The following C22orf42 variants were observed in gnomAD, a reference collection of about 807,000 sequenced individuals.
C22orf42 encodes uncharacterized protein C22orf42.
C22orf42 carries 24 observed loss-of-function variants against 31.4 expected under a neutral mutation model. The ratio of observed to expected loss-of-function variants is 0.77; its 90% CI spans 0.55 to 1.08. The LOEUF (loss-of-function observed/expected upper bound fraction) is 1.08, where lower values mean the gene tolerates loss of function less well. C22orf42 is among the 50% of genes least tolerant of loss of function. C22orf42 has a pLI of 0.00. For missense variants in C22orf42, 276 were observed against 327.3 expected, an observed-to-expected ratio of 0.84 and a Z score of 1.21; for synonymous variants, 96 against 112.7, an observed-to-expected ratio of 0.85 and a Z score of 0.94.
intron 1 of C22orf42, among the ~76,000 whole-genome samples, chr22:32,157,873 G>C (rs1459205118): frequency 6.6e-6 from 1 of 152,292 alleles, no homozygotes; most frequent in Non-Finnish European, 1.5e-5. Flanking sequence ...CCCTGCTGCT[G>C]CCCACCTTGT....
chr22:32,152,606 C>T lies in C22orf42; in HGVS notation c.328G>A (p.Ala110Thr), dbSNP rs757917168. Reference protein sequence around the residue: ...ENIGPTEDVQASAHGGVEENM... With the variant: ...ENIGPTEDVQTSAHGGVEENM... ...TCCTCCACACCGCCGTGTGCAGACG[C>T]CTGCACATCTTCAGTGGGACCTAGG... The change falls in exon 3 of 9, where the codon GCG becomes ACG. Residue 110 changes from alanine to threonine, a missense_variant. By Grantham distance (58) the Ala-to-Thr change is moderately conservative. Transcript: ENST00000382097. 36 of 1,613,598 alleles carry T rather than the reference C, an allele frequency of 2.2e-5. No homozygotes were observed. Among genetic ancestry groups the T allele is most frequent in the Middle Eastern group, 1.6e-4 (1 of 6,074 alleles).
intron 2 of C22orf42, among the ~76,000 whole-genome samples, chr22:32,152,967 A>T (rs1921054320): frequency 6.6e-6 from 1 of 152,182 alleles, no homozygotes; most frequent in African/African-American, 2.4e-5. Flanking sequence ...GAAATGTTAC[A>T]AGATCATTTA....
rs763006218 is a variant in C22orf42 at position 32,152,100 on chromosome 22, A to G, written c.373-6T>C. 1.1e-5 allele frequency: 17 copies of G among 1,605,872 alleles called. No homozygotes were observed. Among genetic ancestry groups the G allele is most frequent in the Middle Eastern group, 1.7e-4 (1 of 6,052 alleles). On this transcript the variant is annotated splice_region_variant and splice_polypyrimidine_tract_variant and intron_variant, in intron 3 of 8. Transcript: ENST00000382097. ...TGCTTGGCCTCAGGTATTTCCTGCA[A>G]TAAGAGAAAAGAAAAAGAAACACCA...
upstream of C22orf42, chr22:32,159,465 C>A: frequency 7.3e-7 from 1 of 1,372,418 alleles, no homozygotes; most frequent in Non-Finnish European, 9.4e-7. Context: ...ACCTTGTGGC[C>A]ACCCTGTCCC....
chr22:32,149,636 C>A (rs1390815488), intron 8 of C22orf42, 23 bp from the exon 9 acceptor site: 8 of 1,378,206 alleles, frequency 5.8e-6, no homozygotes, highest in Non-Finnish European at 5.6e-6. Context: ...AACAAGACTT[C>A]ATCTCAAAAA....
At chr22:32,149,810 G>C in intron 7 of C22orf42, 30 bp from the exon 8 acceptor site, 1 of 1,482,768 alleles carries the variant, frequency 6.7e-7, no homozygotes, top group Non-Finnish European at 8.9e-7. Flanking sequence ...AACGCCATGA[G>C]GATCGGATCA....
intron 2 of C22orf42, among the ~76,000 whole-genome samples, chr22:32,154,015 T>TGTCA (rs1555974003): frequency 1.4e-5 from 2 of 146,938 alleles, no homozygotes; most frequent in East Asian, 2.0e-4. Context: ...TGAGACCTTT[T>TGTCA]CACACACACA....
At position 32,152,111 on chromosome 22, in the gene C22orf42, G is replaced by A. The variant is rs750171281; in HGVS notation, c.373-17C>T. Reference sequence around the variant, plus strand: ...AGGTATTTCCTGCAATAAGAGAAAAGAAAAAGAAACACCATGAGGATCAGA... The same window carrying A: ...AGGTATTTCCTGCAATAAGAGAAAAAAAAAAGAAACACCATGAGGATCAGA... On this transcript the variant is annotated splice_polypyrimidine_tract_variant and intron_variant, in intron 3 of 8. Transcript: ENST00000382097. 4 of 1,603,996 alleles carry A rather than the reference G, an allele frequency of 2.5e-6. No individual in the cohort carries two copies. Among genetic ancestry groups the A allele is most frequent in the Non-Finnish European group, 3.4e-6 (4 of 1,177,502 alleles).
At position 32,151,517 on chromosome 22, in the gene C22orf42, G is replaced by A. The variant is rs55920759; in HGVS notation, c.435C>T (p.Gly145=). The A allele has an allele frequency of 0.021, 33,144 of 1,612,898 alleles. 617 individuals carry two copies. The highest frequency in any genetic ancestry group is 0.069 in the South Asian group (6,285 of 90,972). ...PTEDVQVSAH[G]GVEENITSDI... is the part of the protein sequence containing the mutation. Reference sequence around the variant, plus strand: ...CTGACGTTATATTCTCCTCCACACCGCCGTGTGCAGACACCTGCACATCTT... The same window carrying A: ...CTGACGTTATATTCTCCTCCACACCACCGTGTGCAGACACCTGCACATCTT... Residue 145 remains glycine (G), a synonymous_variant, in exon 5 of 9, where the codon GGC becomes GGT. Transcript: ENST00000382097.
chr22:32,149,632 A>C lies in C22orf42; in HGVS notation c.683-19T>G. The stretch of plus-strand genomic sequence containing the variant: ...ACCCAGCCTAGGGGAAAAGAACAAG[A>C]CTTCATCTCAAAAAAAAAATATATA... On this transcript the variant is annotated intron_variant, in intron 8 of 8. Coordinates refer to ENST00000382097, the MANE Select transcript of C22orf42 (RefSeq NM_001010859.3). 7.1e-7 allele frequency: 1 copy of C among 1,417,562 alleles called. No individual in the cohort carries two copies. Among genetic ancestry groups the C allele is most frequent in the Admixed American group, 2.4e-5 (1 of 41,048 alleles). 87.8% of individuals were successfully genotyped at this position (1,417,562 alleles called of 1,614,324 possible).
chr22:32,150,255 T>G, intron 7 of C22orf42, 64 bp downstream of exon 7: 1 of 1,494,766 alleles, frequency 6.7e-7, no homozygotes, highest in South Asian at 1.2e-5. Flanking sequence ...TATCTTCATT[T>G]CATTAATAAG....
chr22:32,154,754 A>T (rs1375866472), intron 1 of C22orf42, among the ~76,000 whole-genome samples: 1 of 152,224 alleles, frequency 6.6e-6, no homozygotes. Flanking sequence ...GCTAAAAAGG[A>T]TGAGATACAG....
At chr22:32,151,169 C>T (rs2094112580) in intron 5 of C22orf42, 150 bp from the exon 6 acceptor site, 3 of 876,502 alleles carry the variant, frequency 3.4e-6, no homozygotes, top group South Asian at 1.6e-5. Flanking sequence ...ATAGAGGATG[C>T]TTGTGGAAAA....
In C22orf42 at chr22:32,149,650, A is replaced by AAATAT. The variant is rs1555972982; in HGVS notation, c.683-38_683-37insATATT. The AAATAT allele has an allele frequency of 3.4e-6, 4 of 1,191,514 alleles. No homozygotes were observed. The African/African-American group carries it at 4.8e-5, about 14-fold the overall frequency. The allele number at this position is 1,191,514 out of a possible 1,614,324, so 73.8% of individuals were successfully genotyped here. ...GAACAAGACTTCATCTCAAAAAAAA[A>AAATAT]ATATATATATATATATATCTACATA... On this transcript the variant is annotated intron_variant, in intron 8 of 8. Transcript: ENST00000382097.
Position 32,151,688 on chromosome 22 carries a change from A to C in C22orf42, c.401-137T>G, listed in dbSNP as rs953865021. ...GCATGGACTGAGCTGCTGCTGGACC[A>C]TTCTCCTTGGTGCTGAAGGAAGGCA... On this transcript the variant is annotated intron_variant, in intron 4 of 8. Transcript: ENST00000382097. 22 of 809,796 alleles carry C rather than the reference A, an allele frequency of 2.7e-5. No individual in the cohort carries two copies. In the African/African-American group the frequency reaches 3.6e-4, roughly 13 times the overall value. 50.2% of individuals were successfully genotyped at this position (809,796 alleles called of 1,614,324 possible).
rs1250878509 is a variant in C22orf42 at position 32,152,114 on chromosome 22, A to G, written c.373-20T>C. ...TATTTCCTGCAATAAGAGAAAAGAA[A>G]AAGAAACACCATGAGGATCAGATCA... is the stretch of plus-strand genomic sequence containing the variant. On this transcript the variant is annotated intron_variant, in intron 3 of 8. Coordinates refer to ENST00000382097, the MANE Select transcript of C22orf42 (RefSeq NM_001010859.3). The G allele has an allele frequency of 1.2e-6, 2 of 1,604,600 alleles. No individual in the cohort carries two copies. The highest frequency in any genetic ancestry group is 1.7e-6 in the Non-Finnish European group (2 of 1,177,724).
chr22:32,152,625 A>G lies in C22orf42; in HGVS notation c.309T>C (p.Gly103=), dbSNP rs759552376. The G allele has an allele frequency of 1.9e-6, 3 of 1,613,672 alleles. No individual in the cohort carries two copies. Among genetic ancestry groups the G allele is most frequent in the Non-Finnish European group, 1.7e-6 (2 of 1,179,618 alleles). The change falls in exon 3 of 9, where the codon GGT becomes GGC. Residue 103 remains glycine (G), a splice_region_variant and synonymous_variant. Transcript: ENST00000382097. ...RHGIWPLENI[G]PTEDVQASAH... The stretch of plus-strand genomic sequence containing the variant: ...CAGACGCCTGCACATCTTCAGTGGG[A>G]CCTAGGAGAACACAGAGTGACAGTC...
upstream of C22orf42, chr22:32,159,336 C>A (rs1292807906): frequency 6.8e-7 from 1 of 1,463,146 alleles, no homozygotes; most frequent in Non-Finnish European, 9.0e-7. Flanking sequence ...TGCCTAGTAA[C>A]CACAAAACCT....
intron 1 of C22orf42, among the ~76,000 whole-genome samples, chr22:32,157,227 C>T (rs1414869197): frequency 2.0e-5 from 3 of 151,986 alleles, no homozygotes; most frequent in Non-Finnish European, 2.9e-5. Flanking sequence ...CTCACCTGCA[C>T]TTCGCCACCA....
Sources: gnomAD v4.1 joint callset for allele counts (sites outside exome capture counted in the v4.1 genomes callset) on GRCh38, gnomAD v4.1.1 for gene constraint, MANE v1.5 for transcripts, NCBI Gene and HGNC (gene_info 2026-07-23, HGNC 2026-07-21) for gene names.